NDST3: variants seen among roughly 807,000 people sequenced by gnomAD.
NDST3 encodes bifunctional heparan sulfate N-deacetylase/N-sulfotransferase 3.
A neutral mutation model predicts 96.1 loss-of-function variants in NDST3; 58 were observed. That is an observed-to-expected ratio of 0.60 (90% CI 0.49 to 0.75). The LOEUF is 0.75. Ranked by LOEUF, NDST3 falls within the 30% of genes least tolerant of loss-of-function variation. The pLI is 0.00. For missense variants in NDST3, 788 were observed against 1,034.2 expected (o/e 0.76, Z 3.27); for synonymous variants, 333 against 359.7 (o/e 0.93, Z 0.84).
At chr4:118,147,224 C>G (rs1216274258) in intron 6 of NDST3, among the ~76,000 whole-genome samples, 2 of 152,170 alleles carry the variant, frequency 1.3e-5, no homozygotes, top group African/African-American at 4.8e-5. Flanking sequence ...AATACTGACT[C>G]TCTCTGCAAG....
At chr4:118,188,312 A>G (rs923738841) in intron 6 of NDST3, among the ~76,000 whole-genome samples, 2 of 147,716 alleles carry the variant, frequency 1.4e-5, no homozygotes, top group Non-Finnish European at 3.0e-5. Flanking sequence ...TTATTAATAT[A>G]TAATATATTA....
intron 6 of NDST3, among the ~76,000 whole-genome samples, chr4:118,190,025 A>T (rs1020897875): frequency 3.3e-5 from 5 of 151,932 alleles, no homozygotes; most frequent in African/African-American, 1.2e-4. Flanking sequence ...CAAACTAGAT[A>T]AAAAAAATTT....
intron 6 of NDST3, among the ~76,000 whole-genome samples, chr4:118,200,367 C>T (rs1737993021): frequency 6.6e-6 from 1 of 152,214 alleles, no homozygotes; most frequent in Non-Finnish European, 1.5e-5. Flanking sequence ...CAGACTACCA[C>T]CATGTTCCCT....
chr4:118,243,762 G>A (rs1290783555), intron 12 of NDST3, among the ~76,000 whole-genome samples: 2 of 152,146 alleles, frequency 1.3e-5, no homozygotes, highest in South Asian at 2.1e-4. Flanking sequence ...ATTCTATAAA[G>A]ACAGAGTTGC....
chr4:118,162,126 C>A (rs1735198946), intron 6 of NDST3, among the ~76,000 whole-genome samples: 1 of 152,154 alleles, frequency 6.6e-6, no homozygotes, highest in Non-Finnish European at 1.5e-5. Context: ...GAAGAACATT[C>A]CATGCTCATG....
At chr4:118,096,942 A>G (rs1729366124) in intron 2 of NDST3, among the ~76,000 whole-genome samples, 1 of 151,908 alleles carries the variant, frequency 6.6e-6, no homozygotes, top group African/African-American at 2.4e-5. Flanking sequence ...ATAGGAAAAG[A>G]TCAATGTTCC....
intron 2 of NDST3, among the ~76,000 whole-genome samples, chr4:118,094,386 C>T (rs1406043655): frequency 1.3e-5 from 2 of 151,828 alleles, no homozygotes; most frequent in African/African-American, 4.8e-5. Flanking sequence ...TTATTCATCA[C>T]ACCAAACTGA....
intron 1 of NDST3, among the ~76,000 whole-genome samples, chr4:118,041,028 G>T (rs996709951): frequency 6.6e-6 from 1 of 151,646 alleles, no homozygotes; most frequent in Non-Finnish European, 1.5e-5. Flanking sequence ...GATTATAGGG[G>T]TGAGCCCCTG....
chr4:118,096,570 T>C (rs998783643), intron 2 of NDST3, among the ~76,000 whole-genome samples: 2 of 151,852 alleles, frequency 1.3e-5, no homozygotes, highest in Non-Finnish European at 1.5e-5. Context: ...CTAGTCATGA[T>C]ATATATAAAA....
intron 6 of NDST3, among the ~76,000 whole-genome samples, chr4:118,150,187 T>C (rs1039230620): frequency 1.3e-5 from 2 of 152,170 alleles, no homozygotes; most frequent in African/African-American, 2.4e-5. Context: ...TTTGCATCAA[T>C]GTTCATCAAG....
intron 6 of NDST3, among the ~76,000 whole-genome samples, chr4:118,211,207 C>T (rs1738773238): frequency 6.6e-6 from 1 of 152,166 alleles, no homozygotes; most frequent in Admixed American, 6.5e-5. Flanking sequence ...CTTAAAGCTA[C>T]ATGGCAACTT....
intron 6 of NDST3, among the ~76,000 whole-genome samples, chr4:118,175,363 T>G (rs2125942456): frequency 6.6e-6 from 1 of 152,274 alleles, no homozygotes; most frequent in East Asian, 1.9e-4. Flanking sequence ...TTAGGCCTCC[T>G]CTTACTCTCA....
At chr4:118,073,210 G>A (rs568639317) in intron 2 of NDST3, among the ~76,000 whole-genome samples, 2 of 151,956 alleles carry the variant, frequency 1.3e-5, no homozygotes, top group African/African-American at 4.8e-5. Flanking sequence ...TCTCTGCCAG[G>A]TTTTGGTATC....
chr4:118,203,360 AT>A (rs371232833), intron 6 of NDST3, among the ~76,000 whole-genome samples: 3,832 of 152,140 alleles, frequency 0.025, 65 homozygotes, highest in African/African-American at 0.037. Context: ...CTCCTCTTTG[AT>A]TTTTTGAATA....
intron 6 of NDST3, among the ~76,000 whole-genome samples, chr4:118,153,493 T>C (rs1560682719): frequency 6.6e-6 from 1 of 152,172 alleles, no homozygotes; most frequent in Non-Finnish European, 1.5e-5. Context: ...AAATACGCTA[T>C]ATAATAAGGT....
chr4:118,181,996 G>T (rs1245675626), intron 6 of NDST3, among the ~76,000 whole-genome samples: 1 of 152,114 alleles, frequency 6.6e-6, no homozygotes, highest in Non-Finnish European at 1.5e-5. Flanking sequence ...CTCTGCAGAG[G>T]TGCAAAAATG....
rs1163638751 is a variant in NDST3 at position 118,193,482 on chromosome 4, T to C, written c.1540-31009T>C. 1.4e-5 allele frequency: 11 copies of C among 800,352 alleles called. No individual in the cohort carries two copies. The Admixed American group carries it at 2.1e-4, about 16-fold the overall frequency. The allele number at this position is 800,352 out of a possible 1,614,324, so 49.6% of individuals were successfully genotyped here. On this transcript the variant is annotated intron_variant, in intron 6 of 13. Coordinates refer to ENST00000296499, the MANE Select transcript of NDST3 (RefSeq NM_004784.3). ...TCCTCCATCTCTGTGTCAGTGAGAT[T>C]GTCTCCTGAGGAAGCCTCTGCCTTG...
chr4:118,235,767 T>C (rs1193942336), intron 9 of NDST3, among the ~76,000 whole-genome samples: 1 of 152,156 alleles, frequency 6.6e-6, no homozygotes, highest in Non-Finnish European at 1.5e-5. Context: ...AAATAGCACA[T>C]CAAACCTTCC....
At chr4:118,217,211 G>C (rs1739246198) in intron 6 of NDST3, among the ~76,000 whole-genome samples, 1 of 152,104 alleles carries the variant, frequency 6.6e-6, no homozygotes, top group Non-Finnish European at 1.5e-5. Flanking sequence ...GGAGAGGCAA[G>C]TCCAAGGAAT....
Sources: gnomAD v4.1 joint callset for allele counts (sites outside exome capture counted in the v4.1 genomes callset) on GRCh38, gnomAD v4.1.1 for gene constraint, MANE v1.5 for transcripts, NCBI Gene and HGNC (gene_info 2026-07-23, HGNC 2026-07-21) for gene names.